The following RPS6KC1 variants were observed in gnomAD, a reference collection of about 807,000 sequenced individuals.
RPS6KC1 encodes the protein ribosomal protein S6 kinase C1.
A neutral mutation model predicts 103.8 loss-of-function variants in RPS6KC1; 54 were observed. The observed-to-expected ratio is 0.52, with a 90% CI of 0.42 to 0.65. The LOEUF is 0.65. RPS6KC1 is among the 30% of genes least tolerant of loss of function. The pLI is 0.00. For missense variants in RPS6KC1, 1,151 were observed against 1,253.8 expected (o/e 0.92, Z 1.24); for synonymous variants, 439 against 438.7 (o/e 1.00, Z -0.01).
the RPS6KC1 span, among the ~76,000 whole-genome samples, chr1:213,383,633 C>A: frequency 6.6e-6 from 1 of 152,102 alleles, no homozygotes; most frequent in African/African-American, 2.4e-5. Flanking sequence ...GGAGACCGGG[C>A]CTCTAAGGAA....
intron 1 of RPS6KC1, among the ~76,000 whole-genome samples, chr1:213,057,752 CT>C (rs869259657): frequency 0.028 from 2,052 of 73,688 alleles, 25 homozygotes; most frequent in African/African-American, 0.094. Context: ...TCTGAAGTAT[CT>C]TTTTTTTTTT....
chr1:213,401,591 A>G, the RPS6KC1 span, among the ~76,000 whole-genome samples: 4 of 152,106 alleles, frequency 2.6e-5, no homozygotes, highest in African/African-American at 4.8e-5. Context: ...TTAACTTACT[A>G]ATAAATGAAA....
the RPS6KC1 span, among the ~76,000 whole-genome samples, chr1:213,607,369 G>C: frequency 1.6e-4 from 24 of 152,184 alleles, no homozygotes; most frequent in African/African-American, 5.8e-4. Context: ...TGGATATCTT[G>C]TGTAATTTTC....
chr1:213,813,298 T>C, the RPS6KC1 span, among the ~76,000 whole-genome samples: 5 of 151,546 alleles, frequency 3.3e-5, no homozygotes, highest in Non-Finnish European at 5.9e-5. Context: ...CAGCTGAAGA[T>C]GTCTTAAAGT....
downstream of RPS6KC1, among the ~76,000 whole-genome samples, chr1:213,277,829 A>T (rs935811638): frequency 6.6e-6 from 1 of 152,232 alleles, no homozygotes. Flanking sequence ...GCTTTGGGGT[A>T]CATTTAGAAT....
the RPS6KC1 span, among the ~76,000 whole-genome samples, chr1:213,372,234 G>C: frequency 3.9e-5 from 6 of 152,196 alleles, no homozygotes; most frequent in African/African-American, 1.4e-4. Flanking sequence ...CACCACTTGG[G>C]CCGCGGCCTC....
the RPS6KC1 span, among the ~76,000 whole-genome samples, chr1:213,719,431 C>T: frequency 6.6e-6 from 1 of 152,114 alleles, no homozygotes; most frequent in Non-Finnish European, 1.5e-5. Flanking sequence ...TACTGTGACA[C>T]ACAATAACAC....
At chr1:213,208,369 A>G (rs2093413777) in intron 8 of RPS6KC1, among the ~76,000 whole-genome samples, 1 of 152,102 alleles carries the variant, frequency 6.6e-6, no homozygotes. Flanking sequence ...GATTCTTTGT[A>G]TGTGACTTGT....
chr1:213,675,928 G>A, the RPS6KC1 span, among the ~76,000 whole-genome samples: 3 of 152,054 alleles, frequency 2.0e-5, no homozygotes, highest in African/African-American at 7.2e-5. Flanking sequence ...CTTCTCTAAG[G>A]CCTTTCACTG....
the RPS6KC1 span, among the ~76,000 whole-genome samples, chr1:213,287,184 A>G: frequency 1.3e-5 from 2 of 152,012 alleles, no homozygotes; most frequent in East Asian, 3.9e-4. Flanking sequence ...GGGAAGGAAG[A>G]TTATGATTGG....
At chr1:213,615,029 T>TTG in the RPS6KC1 span, among the ~76,000 whole-genome samples, 4 of 152,172 alleles carry the variant, frequency 2.6e-5, no homozygotes, top group Non-Finnish European at 5.9e-5. Flanking sequence ...TTTTATATCA[T>TTG]TGTGTGTGTG....
the RPS6KC1 span, among the ~76,000 whole-genome samples, chr1:213,664,200 C>CGGGGGGGGGAGGG: frequency 3.6e-5 from 1 of 27,812 alleles, no homozygotes; most frequent in African/African-American, 1.9e-4. Flanking sequence ...AGCGGGGGGG[C>CGGGGGGGGGAGGG]GGGGTGGGGA....
intron 12 of RPS6KC1, among the ~76,000 whole-genome samples, chr1:213,243,046 A>G (rs995083693): frequency 6.6e-6 from 1 of 151,966 alleles, no homozygotes; most frequent in African/African-American, 2.4e-5. Flanking sequence ...CACAGGCTGG[A>G]ATGCAGTGGT....
chr1:213,496,782 A>T, the RPS6KC1 span, among the ~76,000 whole-genome samples: 1 of 152,150 alleles, frequency 6.6e-6, no homozygotes, highest in Non-Finnish European at 1.5e-5. Flanking sequence ...AAAGAAACTT[A>T]CTATCAGTGG....
chr1:213,391,536 A>G, the RPS6KC1 span, among the ~76,000 whole-genome samples: 1 of 152,206 alleles, frequency 6.6e-6, no homozygotes, highest in African/African-American at 2.4e-5. Context: ...GGGTGGGTGT[A>G]CAGTTCAGAC....
chr1:213,058,553 G>A (rs2077546310), intron 1 of RPS6KC1, among the ~76,000 whole-genome samples: 2 of 151,466 alleles, frequency 1.3e-5, no homozygotes, highest in South Asian at 2.1e-4. Flanking sequence ...ACCTTTCTTC[G>A]TTGAATTGCC....
the RPS6KC1 span, among the ~76,000 whole-genome samples, chr1:213,331,742 G>A: frequency 6.6e-5 from 10 of 152,156 alleles, no homozygotes; most frequent in Non-Finnish European, 1.5e-5. Flanking sequence ...TAAAACAGAG[G>A]TGAAGAGGCC....
At chr1:213,443,454 C>A in the RPS6KC1 span, among the ~76,000 whole-genome samples, 1 of 152,146 alleles carries the variant, frequency 6.6e-6, no homozygotes, top group Non-Finnish European at 1.5e-5. Context: ...TGGACAAACT[C>A]CTTGGCCTTT....
intron 6 of RPS6KC1, among the ~76,000 whole-genome samples, chr1:213,131,992 A>G (rs1314457429): frequency 6.6e-6 from 1 of 152,238 alleles, no homozygotes; most frequent in African/African-American, 2.4e-5. Context: ...TTTGCATTTA[A>G]TCTTAGAACA....
Sources: allele counts gnomAD v4.1 joint callset (sites outside exome capture counted in the v4.1 genomes callset), GRCh38; gene constraint gnomAD v4.1.1; transcripts MANE v1.5; gene names NCBI Gene and HGNC (gene_info 2026-07-23, HGNC 2026-07-21).